The following SLBP variants were observed in gnomAD, a reference collection of about 807,000 sequenced individuals.
SLBP encodes the protein stem-loop histone mRNA binding protein.
A neutral mutation model predicts 39.2 loss-of-function variants in SLBP; 29 were observed. That is an observed-to-expected ratio of 0.74 (90% confidence interval 0.55 to 1.01). SLBP has a LOEUF of 1.01. Among genes scored for constraint, SLBP ranks in the 50% least tolerant of loss-of-function variants. SLBP has a pLI of 0.00. For synonymous variants in SLBP, 129 were observed against 118.7 expected, an observed-to-expected ratio of 1.09 and a Z score of -0.57; for missense variants, 390 against 350.2, an observed-to-expected ratio of 1.11 and a Z score of -0.91.
chr4:1,699,498 TA>T, intron 5 of SLBP, 65 bp downstream of exon 5: 1 of 1,547,688 alleles, frequency 6.5e-7, no homozygotes, highest in Non-Finnish European at 8.9e-7. Flanking sequence ...CTACCCAATC[TA>T]AGCAACTCTT....
intron 3 of SLBP, 159 bp from the exon 4 acceptor site, chr4:1,700,229 T>TTACGGCGACCACC: frequency 7.0e-6 from 3 of 430,970 alleles, no homozygotes; most frequent in South Asian, 6.1e-5. Context: ...GTTTAAGTAG[T>TTACGGCGACCACC]GAGATCCACA....
intron 2 of SLBP, among the ~76,000 whole-genome samples, chr4:1,704,217 G>C (rs1308533005): frequency 6.6e-6 from 1 of 152,206 alleles, no homozygotes; most frequent in East Asian, 1.9e-4. Context: ...TCTCTGGTAT[G>C]TGTTTATAAA....
chr4:1,712,014 T>G (rs1324187931), intron 1 of SLBP, 24 bp from the exon 2 acceptor site: 4 of 1,275,474 alleles, frequency 3.1e-6, no homozygotes, highest in African/African-American at 1.6e-5. Flanking sequence ...CGCGGTCGGC[T>G]GGGCACGGGA....
chr4:1,694,746 A>G (rs760957353), intron 7 of SLBP, 28 bp downstream of exon 7: 1 of 1,551,478 alleles, frequency 6.4e-7, no homozygotes, highest in Non-Finnish European at 8.9e-7. Flanking sequence ...GCAACCCCCA[A>G]GCTGAAAGAC....
chr4:1,693,538 G>C lies in SLBP; in HGVS notation c.*59C>G, dbSNP rs1415144543. 1.3e-5 allele frequency: 13 copies of C among 985,974 alleles called. No individual in the cohort carries two copies. The East Asian group carries it at 2.8e-4, about 22-fold the overall frequency. 61.1% of individuals were successfully genotyped at this position (985,974 alleles called of 1,614,324 possible). A position where few individuals can be genotyped will look rare whatever the true frequency, so the allele number is the denominator to read the frequency against. On this transcript the variant is annotated 3_prime_UTR_variant, in exon 8 of 8. Coordinates refer to ENST00000489418, the MANE Select transcript of SLBP (RefSeq NM_006527.4). The stretch of plus-strand genomic sequence containing the variant: ...AAGTGCACACACATGCTTGGTGCCT[G>C]GCCAGCCTTCCACCTAGTCGGGGAG...
chr4:1,709,906 C>G (rs1683317537), intron 2 of SLBP, among the ~76,000 whole-genome samples: 1 of 152,218 alleles, frequency 6.6e-6, no homozygotes, highest in South Asian at 2.1e-4. Flanking sequence ...CCGCGCCCGG[C>G]CTACTTCTTA....
chr4:1,700,874 G>T (rs963103409), intron 3 of SLBP, among the ~76,000 whole-genome samples: 5 of 151,974 alleles, frequency 3.3e-5, no homozygotes, highest in Non-Finnish European at 5.9e-5. Context: ...TGTCATGCAG[G>T]TATCTAAATT....
At position 1,700,671 on chromosome 4, in the gene SLBP, C is replaced by T. The variant is rs116902988; in HGVS notation, c.282-601G>A. Among the ~76,000 whole-genome samples, 222 of 152,094 alleles carry T rather than the reference C, an allele frequency of 1.5e-3. 3 individuals carry two copies. In the East Asian group the frequency reaches 0.04, roughly 27 times the overall value. On this transcript the variant is annotated intron_variant, in intron 3 of 7. Transcript: ENST00000489418. ...TATTCCTGGGCTGAAGCAATCATCT[C>T]ACCTCAGCCTCCCAAGCAGCTAGGA...
At chr4:1,694,949 G>A in intron 6 of SLBP, 109 bp from the exon 7 acceptor site, 1 of 775,678 alleles carries the variant, frequency 1.3e-6, no homozygotes, top group Admixed American at 1.8e-5. Context: ...CACTGACAGT[G>A]TGCCCGAGGC....
intron 2 of SLBP, 25 bp downstream of exon 2, chr4:1,711,849 C>T (rs774881902): frequency 2.4e-6 from 3 of 1,249,856 alleles, no homozygotes; most frequent in Admixed American, 4.2e-5. Flanking sequence ...CCCACCGCGC[C>T]CCGACCCCCG....
chr4:1,694,758 T>G lies in SLBP; in HGVS notation c.696+16A>C. On this transcript the variant is annotated intron_variant, in intron 7 of 7. Transcript: ENST00000489418. ...CCTGCAACCCCCAAGCTGAAAGACTTATCCAAAGTACTTACAAAGTCATCC... is the reference window on the plus strand; with the variant it reads ...CCTGCAACCCCCAAGCTGAAAGACTGATCCAAAGTACTTACAAAGTCATCC... 1 of 1,592,672 alleles carries G rather than the reference T, an allele frequency of 6.3e-7. No homozygotes were observed. Among genetic ancestry groups the G allele is most frequent in the South Asian group, 1.1e-5 (1 of 90,680 alleles).
rs563399722 is a variant in SLBP, at chr4:1,694,632, C to A, written c.696+142G>T. 1.7e-5 allele frequency: 11 copies of A among 646,086 alleles called. No homozygotes were observed. In the South Asian group the frequency reaches 1.9e-4, roughly 11 times the overall value. 40.0% of individuals were successfully genotyped at this position (646,086 alleles called of 1,614,324 possible). A position where few individuals can be genotyped will look rare whatever the true frequency, so the allele number is the denominator to read the frequency against. Reference sequence around the variant, plus strand: ...TCTTGAATTCCTGACTTCAGGTGATCCGCCTGCCTTGGCCTCCCAAGGTGC... The same window carrying A: ...TCTTGAATTCCTGACTTCAGGTGATACGCCTGCCTTGGCCTCCCAAGGTGC... On this transcript the variant is annotated intron_variant, in intron 7 of 7. Transcript: ENST00000489418.
intron 6 of SLBP, among the ~76,000 whole-genome samples, chr4:1,695,322 CTAAT>C (rs907955080): frequency 2.6e-5 from 4 of 152,166 alleles, no homozygotes; most frequent in Non-Finnish European, 5.9e-5. Context: ...AGGAGAAACT[CTAAT>C]TGTTTGTTTA....
chr4:1,705,697 A>G (rs1248291262), intron 2 of SLBP, among the ~76,000 whole-genome samples: 1 of 152,226 alleles, frequency 6.6e-6, no homozygotes, highest in Non-Finnish European at 1.5e-5. Flanking sequence ...CCACTCTGCA[A>G]ATGGTCCTGT....
In SLBP at chr4:1,711,979, G is replaced by A. The variant is rs757170896; in HGVS notation, c.71C>T (p.Pro24Leu). The stretch of plus-strand genomic sequence containing the variant: ...CTTCCGTCCCAGGCTCCATCGCGCG[G>A]GGGACGGCGGGCTGCGGGGAGGGAC... The part of the protein sequence containing the change: ...RCDGDASPPS[P>L]ARWSLGRKRR... Residue 24 changes from proline to leucine, a missense_variant, in exon 2 of 8, where the codon CCC becomes CTC. Pro to Leu is a moderately conservative substitution (Grantham distance 98). Coordinates refer to ENST00000489418, the MANE Select transcript of SLBP (RefSeq NM_006527.4). The A allele has an allele frequency of 1.6e-5, 21 of 1,296,938 alleles. No homozygotes were observed. The highest frequency in any genetic ancestry group is 2.0e-5 in the Non-Finnish European group (20 of 1,022,914). The allele number at this position is 1,296,938 out of a possible 1,614,324, so 80.3% of individuals were successfully genotyped here. A position where few individuals can be genotyped will look rare whatever the true frequency, so the allele number is the denominator to read the frequency against.
At chr4:1,706,762 G>A (rs986591613) in intron 2 of SLBP, among the ~76,000 whole-genome samples, 3 of 152,072 alleles carry the variant, frequency 2.0e-5, no homozygotes, top group Non-Finnish European at 2.9e-5. Flanking sequence ...TCCACCAGGC[G>A]GAGTTGCAGT....
chr4:1,707,895 A>T (rs1716582297), intron 2 of SLBP, among the ~76,000 whole-genome samples: 1 of 152,140 alleles, frequency 6.6e-6, no homozygotes, highest in African/African-American at 2.4e-5. Flanking sequence ...CCTGACAAAC[A>T]TGGTGAAATC....
intron 2 of SLBP, among the ~76,000 whole-genome samples, chr4:1,704,642 C>G (rs1716450730): frequency 1.3e-5 from 2 of 152,148 alleles, no homozygotes; most frequent in Admixed American, 1.3e-4. Flanking sequence ...CGTGCTTCCC[C>G]TGGCTGGCCA....
intron 2 of SLBP, among the ~76,000 whole-genome samples, chr4:1,711,610 A>G (rs1186222605): frequency 1.3e-5 from 2 of 152,196 alleles, no homozygotes; most frequent in African/African-American, 4.8e-5. Context: ...CTCTCCCGGG[A>G]GCACAACACA....
Sources: allele counts gnomAD v4.1 joint callset (sites outside exome capture counted in the v4.1 genomes callset), GRCh38; gene constraint gnomAD v4.1.1; transcripts MANE v1.5; gene names NCBI Gene and HGNC (gene_info 2026-07-23, HGNC 2026-07-21).